DLGAP2: variants seen among roughly 807,000 people sequenced by gnomAD.
DLGAP2 encodes DLG associated protein 2.
In DLGAP2, 26 loss-of-function variants were observed where a neutral mutation model predicts 100.3. The ratio of observed to expected loss-of-function variants is 0.26; its 90% CI spans 0.19 to 0.36. DLGAP2 has a LOEUF of 0.36. DLGAP2 is among the 10% of genes least tolerant of loss of function. The probability of loss-of-function intolerance (pLI) is 1.00; values close to 1 mark genes in which losing one functional copy is unlikely to be tolerated. For missense variants in DLGAP2, 1,858 were observed against 1,453.2 expected (o/e 1.28, Z -4.53); for synonymous variants, 886 against 630.1 (o/e 1.41, Z -6.08).
At chr8:1,477,997 C>G (rs1798983060) in intron 3 of DLGAP2, among the ~76,000 whole-genome samples, 1 of 152,190 alleles carries the variant, frequency 6.6e-6, no homozygotes, top group Admixed American at 6.5e-5. Flanking sequence ...GCCTGTCACT[C>G]TCTGTTCGTA....
chr8:1,171,382 G>T (rs1468330878), intron 2 of DLGAP2, among the ~76,000 whole-genome samples: 1 of 152,172 alleles, frequency 6.6e-6, no homozygotes, highest in East Asian at 1.9e-4. Flanking sequence ...GGAGAGTTCT[G>T]TAGATGTCTA....
intron 3 of DLGAP2, among the ~76,000 whole-genome samples, chr8:1,431,024 G>T (rs1326186668): frequency 6.6e-6 from 1 of 152,154 alleles, no homozygotes; most frequent in Non-Finnish European, 1.5e-5. Flanking sequence ...CCCTCTTACG[G>T]AAAGGAACAA....
chr8:1,473,840 T>C (rs893272619), intron 3 of DLGAP2, among the ~76,000 whole-genome samples: 1 of 152,196 alleles, frequency 6.6e-6, no homozygotes, highest in East Asian at 1.9e-4. Context: ...TTGTCTCTTG[T>C]CTGCCACCAT....
At chr8:1,689,212 G>A (rs765789604) in intron 12 of DLGAP2, among the ~76,000 whole-genome samples, 3 of 152,206 alleles carry the variant, frequency 2.0e-5, no homozygotes, top group Non-Finnish European at 2.9e-5. Context: ...CTGGGAGCCA[G>A]CAGGGGCATC....
intron 3 of DLGAP2, among the ~76,000 whole-genome samples, chr8:1,484,867 G>A (rs897821169): frequency 6.6e-6 from 1 of 152,198 alleles, no homozygotes; most frequent in Non-Finnish European, 1.5e-5. Context: ...GCAGAGAGCA[G>A]ACCTGGTCTC....
intron 4 of DLGAP2, among the ~76,000 whole-genome samples, chr8:1,525,191 C>CTTTTTT (rs56358216): frequency 6.8e-5 from 7 of 103,672 alleles, no homozygotes; most frequent in Admixed American, 1.0e-4. Context: ...ACTCTGATGT[C>CTTTTTT]TTTTTTTTTT....
chr8:1,192,893 C>A (rs1347590574), intron 2 of DLGAP2, among the ~76,000 whole-genome samples: 1 of 151,736 alleles, frequency 6.6e-6, no homozygotes, highest in Non-Finnish European at 1.5e-5. Context: ...TCATTGTTCA[C>A]TTCCCACCTA....
intron 2 of DLGAP2, among the ~76,000 whole-genome samples, chr8:1,013,629 GGT>G: frequency 2.3e-5 from 3 of 132,660 alleles, no homozygotes; most frequent in Non-Finnish European, 3.0e-5. Context: ...CAGGACAGAC[GGT>G]GCCTCCACTG....
intron 2 of DLGAP2, among the ~76,000 whole-genome samples, chr8:956,754 G>A (rs1347167770): frequency 6.6e-6 from 1 of 152,174 alleles, no homozygotes; most frequent in Non-Finnish European, 1.5e-5. Context: ...TCTGTCCTGA[G>A]GTCTAACCAT....
intron 2 of DLGAP2, among the ~76,000 whole-genome samples, chr8:1,009,142 A>G (rs1197592160): frequency 6.6e-6 from 1 of 152,138 alleles, no homozygotes; most frequent in African/African-American, 2.4e-5. Context: ...TGTTCCTGCA[A>G]TGCTTGGTCA....
intron 1 of DLGAP2, among the ~76,000 whole-genome samples, chr8:867,872 G>A (rs760011058): frequency 2.6e-5 from 4 of 152,200 alleles, no homozygotes; most frequent in Non-Finnish European, 4.4e-5. Context: ...TCCACGTAAC[G>A]CATTTATGAC....
chr8:882,174 C>G (rs1341666306), intron 1 of DLGAP2, among the ~76,000 whole-genome samples: 2 of 152,238 alleles, frequency 1.3e-5, no homozygotes, highest in Non-Finnish European at 2.9e-5. Flanking sequence ...TGAGACCCAG[C>G]TGAGGCCTGA....
In DLGAP2 at chr8:1,683,987, T is replaced by C. The variant is rs1237221594; in HGVS notation, c.2704+5358T>C. Reference sequence around the variant, plus strand: ...ATATATATATATATATATATATATATACTTTTTTTTTTAAGACGAAGTCTC... The same window carrying C: ...ATATATATATATATATATATATATACACTTTTTTTTTTAAGACGAAGTCTC... On this transcript the variant is annotated intron_variant, in intron 12 of 14. Transcript: ENST00000637795. Among the ~76,000 whole-genome samples the C allele has an allele frequency of 2.5e-3, 248 of 99,644 alleles. 13 individuals are homozygous for C. Among genetic ancestry groups the C allele is most frequent in the African/African-American group, 8.3e-3 (225 of 27,030 alleles). The allele number at this position is 99,644 out of a possible 152,430, so 65.4% of individuals were successfully genotyped here. A position where few individuals can be genotyped will look rare whatever the true frequency, so the allele number is the denominator to read the frequency against.
At chr8:1,217,374 T>C (rs1406314561) in intron 2 of DLGAP2, among the ~76,000 whole-genome samples, 1 of 152,222 alleles carries the variant, frequency 6.6e-6, no homozygotes, top group Non-Finnish European at 1.5e-5. Context: ...GCCACTATGT[T>C]GATTCCATGT....
At chr8:1,431,539 C>G (rs1797439179) in intron 3 of DLGAP2, among the ~76,000 whole-genome samples, 1 of 152,202 alleles carries the variant, frequency 6.6e-6, no homozygotes, top group Non-Finnish European at 1.5e-5. Context: ...CTGCCTGGCG[C>G]TCAGCAGCCG....
intron 2 of DLGAP2, among the ~76,000 whole-genome samples, chr8:1,047,037 A>G (rs1280822809): frequency 1.3e-5 from 2 of 152,182 alleles, no homozygotes; most frequent in Non-Finnish European, 2.9e-5. Context: ...GTAAACATTC[A>G]GTGGTTTTAA....
intron 3 of DLGAP2, among the ~76,000 whole-genome samples, chr8:1,361,156 AC>A (rs1432733996): frequency 2.0e-5 from 3 of 152,124 alleles, no homozygotes; most frequent in African/African-American, 7.2e-5. Context: ...GCCTCACCAC[AC>A]CAGATTTGCA....
chr8:1,444,632 G>A (rs939483992), intron 3 of DLGAP2, among the ~76,000 whole-genome samples: 1 of 152,046 alleles, frequency 6.6e-6, no homozygotes, highest in Non-Finnish European at 1.5e-5. Context: ...CCCTCCTTCA[G>A]GGTCTTCTTT....
At chr8:999,599 C>G (rs935669954) in intron 2 of DLGAP2, among the ~76,000 whole-genome samples, 2 of 151,922 alleles carry the variant, frequency 1.3e-5, no homozygotes, top group Admixed American at 1.3e-4. Flanking sequence ...CTGCCTCAGC[C>G]TCCTGAGTAG....
Sources: allele counts gnomAD v4.1 joint callset (sites outside exome capture counted in the v4.1 genomes callset), GRCh38; gene constraint gnomAD v4.1.1; transcripts MANE v1.5; gene names NCBI Gene and HGNC (gene_info 2026-07-23, HGNC 2026-07-21).